The following ADAM2 variants were observed in gnomAD, a reference collection of about 807,000 sequenced individuals.
ADAM2 encodes ADAM metallopeptidase domain 2, also known as disintegrin and metalloproteinase domain-containing protein 2.
A neutral mutation model predicts 99.3 loss-of-function variants in ADAM2; 101 were observed. The ratio of observed to expected loss-of-function variants is 1.02; its 90% confidence interval spans 0.87 to 1.20. The LOEUF is 1.20. Among genes scored for constraint, ADAM2 ranks in the 50% most tolerant of loss-of-function variants. The pLI, the probability that ADAM2 is intolerant of heterozygous loss-of-function variation, is 0.00. For synonymous variants in ADAM2, 323 were observed against 287.6 expected (o/e 1.12, Z -1.25); for missense variants, 948 against 878.7 (o/e 1.08, Z -1.00).
At chr8:39,787,426 T>C (rs1803510711) in intron 9 of ADAM2, among the ~76,000 whole-genome samples, 1 of 151,494 alleles carries the variant, frequency 6.6e-6, no homozygotes, top group East Asian at 1.9e-4. Context: ...AAGTCTCTCA[T>C]TATTCAGACA....
At chr8:39,809,377 T>C in intron 7 of ADAM2, 33 bp downstream of exon 7, 1 of 833,940 alleles carries the variant, frequency 1.2e-6, no homozygotes. Context: ...ATTGCAAATA[T>C]TAAGGGACAT....
In ADAM2 at chr8:39,743,987, C is replaced by G. The variant is rs1295443145; in HGVS notation, c.*108G>C. ...AAAATCACAATATGCAGGTTTGAATCCCAGGAAACCAGGTAATGTACATTC... is the reference window on the plus strand; with the variant it reads ...AAAATCACAATATGCAGGTTTGAATGCCAGGAAACCAGGTAATGTACATTC... On this transcript the variant is annotated 3_prime_UTR_variant, in exon 21 of 21. Coordinates refer to ENST00000265708, the MANE Select transcript of ADAM2 (RefSeq NM_001464.5). 1 of 151,942 alleles carries G rather than the reference C, an allele frequency of 6.6e-6. No homozygotes were observed. The highest frequency in any genetic ancestry group is 1.5e-5 in the Non-Finnish European group (1 of 67,946). The allele number at this position is 151,942 out of a possible 1,614,324, so 9.4% of individuals were successfully genotyped here.
intron 15 of ADAM2, among the ~76,000 whole-genome samples, chr8:39,757,261 G>A (rs369073166): frequency 3.9e-5 from 6 of 151,978 alleles, no homozygotes; most frequent in African/African-American, 1.4e-4. Flanking sequence ...GTCTTTGGCT[G>A]GAAGGCATTG....
intron 14 of ADAM2, among the ~76,000 whole-genome samples, chr8:39,762,652 T>TA (rs1802415433): frequency 6.6e-6 from 1 of 152,198 alleles, no homozygotes; most frequent in South Asian, 2.1e-4. Context: ...ATTCAATTAT[T>TA]AATAGTTGAA....
chr8:39,770,541 T>G (rs1318238842), intron 11 of ADAM2, among the ~76,000 whole-genome samples: 1 of 152,212 alleles, frequency 6.6e-6, no homozygotes, highest in Non-Finnish European at 1.5e-5. Flanking sequence ...ACAAATGAGT[T>G]AAAGTCTTGG....
chr8:39,772,139 A>T (rs1802809621), intron 11 of ADAM2, among the ~76,000 whole-genome samples: 1 of 151,712 alleles, frequency 6.6e-6, no homozygotes, highest in African/African-American at 2.4e-5. Context: ...AGAAAGTAAA[A>T]TATCAAGCAT....
intron 4 of ADAM2, among the ~76,000 whole-genome samples, chr8:39,823,407 C>T (rs1443334339): frequency 1.3e-5 from 2 of 152,194 alleles, no homozygotes; most frequent in Admixed American, 1.3e-4. Context: ...GGTAGGCCTG[C>T]AACCTTGGCA....
chr8:39,827,955 A>C (rs1805475254), intron 3 of ADAM2, among the ~76,000 whole-genome samples: 1 of 152,074 alleles, frequency 6.6e-6, no homozygotes. Context: ...ATATCTAAAA[A>C]TATGTTGCGA....
chr8:39,767,385 A>G, intron 12 of ADAM2, 134 bp from the exon 13 acceptor site: 2 of 760,416 alleles, frequency 2.6e-6, no homozygotes, highest in Non-Finnish European at 2.2e-6. Context: ...AGAAAAATAA[A>G]ACCACTTATT....
chr8:39,771,940 A>G (rs899556774), intron 11 of ADAM2, among the ~76,000 whole-genome samples: 1 of 152,002 alleles, frequency 6.6e-6, no homozygotes, highest in Non-Finnish European at 1.5e-5. Context: ...TAGAAAGTCA[A>G]ATACGGGAGG....
At chr8:39,824,274 CA>C (rs201545294) in intron 4 of ADAM2, among the ~76,000 whole-genome samples, 7,045 of 83,442 alleles carry the variant, frequency 0.084, 373 homozygotes, top group African/African-American at 0.21. Flanking sequence ...AACTCTATCT[CA>C]AAAAAAAAAA....
chr8:39,834,147 A>G (rs1319770341), intron 2 of ADAM2, 148 bp from the exon 3 acceptor site: 3 of 523,312 alleles, frequency 5.7e-6, no homozygotes, highest in Non-Finnish European at 6.7e-6. Context: ...GATTTATTTT[A>G]ATGGCATTTG....
chr8:39,824,977 G>A, intron 3 of ADAM2, 80 bp from the exon 4 acceptor site: 2 of 678,736 alleles, frequency 2.9e-6, no homozygotes, highest in South Asian at 1.8e-5. Context: ...TTATAGACAG[G>A]TAGGTTGACA....
chr8:39,751,786 C>A (rs1801957860), intron 16 of ADAM2, among the ~76,000 whole-genome samples: 1 of 151,920 alleles, frequency 6.6e-6, no homozygotes, highest in African/African-American at 2.4e-5. Context: ...CTACAGAAAC[C>A]TTCTTGTTAT....
chr8:39,768,782 A>G (rs1802662344), intron 12 of ADAM2, among the ~76,000 whole-genome samples: 1 of 152,184 alleles, frequency 6.6e-6, no homozygotes. Context: ...AATTGCTTAT[A>G]TGAGAGATTA....
rs140342824 is a variant in ADAM2, at chr8:39,751,301, T to C, written c.1798-1557A>G. Among the ~76,000 whole-genome samples the C allele has an allele frequency of 5.9e-4, 90 of 152,324 alleles. 1 individual carries two copies. Among genetic ancestry groups the C allele is most frequent in the African/African-American group, 1.8e-3 (76 of 41,578 alleles). ...ATGCTTCCTTCACACTTAACTACAA[T>C]TTAAATACAGTAGTTAGATATATAA... On this transcript the variant is annotated intron_variant, in intron 16 of 20. Coordinates refer to ENST00000265708, the MANE Select transcript of ADAM2 (RefSeq NM_001464.5).
intron 10 of ADAM2, among the ~76,000 whole-genome samples, chr8:39,780,536 A>G (rs999666371): frequency 6.6e-6 from 1 of 152,174 alleles, no homozygotes; most frequent in African/African-American, 2.4e-5. Flanking sequence ...CTGCCACCCA[A>G]TAATTGCAAA....
At chr8:39,801,921 C>T (rs1001815406) in intron 7 of ADAM2, among the ~76,000 whole-genome samples, 13 of 152,162 alleles carry the variant, frequency 8.5e-5, no homozygotes, top group African/African-American at 2.4e-4. Flanking sequence ...GCCCTTCCCC[C>T]GCCCAGGGAG....
At chr8:39,806,113 C>T in intron 7 of ADAM2, among the ~76,000 whole-genome samples, 1 of 152,142 alleles carries the variant, frequency 6.6e-6, no homozygotes, top group Non-Finnish European at 1.5e-5. Flanking sequence ...ATATTGAATA[C>T]TTTTTCCAAC....
Sources: allele counts gnomAD v4.1 joint callset (sites outside exome capture counted in the v4.1 genomes callset), GRCh38; gene constraint gnomAD v4.1.1; transcripts MANE v1.5; gene names NCBI Gene and HGNC (gene_info 2026-07-23, HGNC 2026-07-21).